The following NKTR variants were observed in gnomAD, a reference collection of about 807,000 sequenced individuals.
The protein encoded by NKTR is NK-tumor recognition protein.
A neutral mutation model predicts 156.3 loss-of-function variants in NKTR; 67 were observed. The ratio of observed to expected loss-of-function variants is 0.43; its 90% CI spans 0.35 to 0.53. The LOEUF is 0.53. Among genes scored for constraint, NKTR ranks in the 20% least tolerant of loss-of-function variants. NKTR has a pLI of 0.01. For synonymous variants in NKTR, 640 were observed against 596.6 expected, an observed-to-expected ratio of 1.07 and a Z score of -1.06; for missense variants, 1,604 against 1,730.9, an observed-to-expected ratio of 0.93 and a Z score of 1.30.
At chr3:42,642,724 A>G (rs1461141332) in intron 14 of NKTR, 128 bp downstream of exon 14, 54 of 680,824 alleles carry the variant, frequency 7.9e-5, no homozygotes, top group Non-Finnish European at 1.3e-4. Flanking sequence ...CTATTTTCTC[A>G]TGTAGTTTTT....
rs748546500 is a variant in NKTR at position 42,639,216 on chromosome 3, C to A, written c.3512C>A (p.Pro1171His). ...VLKQDMATEH[P>H]QAEVVKQESS... ...AAGCAGGATATGGCAACGGAACATCCTCAAGCAGAGGTAGTAAAACAGGAA... is the reference window on the plus strand; with the variant it reads ...AAGCAGGATATGGCAACGGAACATCATCAAGCAGAGGTAGTAAAACAGGAA... Residue 1171 changes from proline (P) to histidine (H), a missense_variant, in exon 13 of 17, where the codon CCT (proline) becomes CAT (histidine). Physicochemically the swap from Pro to His is moderately conservative, Grantham distance 77 (BLOSUM62 -2). Coordinates refer to ENST00000232978, the MANE Select transcript of NKTR (RefSeq NM_005385.4). The A allele has an allele frequency of 6.2e-7, 1 of 1,614,108 alleles. No individual in the cohort carries two copies. Among genetic ancestry groups the A allele is most frequent in the Non-Finnish European group, 8.5e-7 (1 of 1,180,016 alleles).
chr3:42,621,436 C>G lies in NKTR; in HGVS notation c.294C>G (p.Asn98Lys). 6.2e-7 allele frequency: 1 copy of G among 1,605,634 alleles called. No homozygotes were observed. Among genetic ancestry groups the G allele is most frequent in the Non-Finnish European group, 8.5e-7 (1 of 1,176,734 alleles). The change falls in exon 6 of 17, where the codon AAC becomes AAG. Residue 98 changes from asparagine (N) to lysine (K), a missense_variant. Transcript: ENST00000232978. ...TGTGTTTTCTTCAAACAGATGAAAA[C>G]TTTATTCTCAAACATGACAGAGCGT... ...SIYGGYFKDE[N>K]FILKHDRAFL... is the part of the protein sequence containing the mutation.
At chr3:42,618,640 A>G (rs1483726748) in intron 3 of NKTR, among the ~76,000 whole-genome samples, 1 of 151,692 alleles carries the variant, frequency 6.6e-6, no homozygotes, top group African/African-American at 2.4e-5. Flanking sequence ...TAGAGGCAGA[A>G]TTTCACCCTG....
intron 13 of NKTR, 29 bp from the exon 14 acceptor site, chr3:42,642,470 TTA>T (rs1709970621): frequency 6.7e-7 from 1 of 1,490,760 alleles, no homozygotes; most frequent in Non-Finnish European, 9.4e-7. Context: ...GTCAACATAA[TTA>T]TATATTTTTT....
chr3:42,633,490 T>G, intron 9 of NKTR, 90 bp from the exon 10 acceptor site: 2 of 1,514,932 alleles, frequency 1.3e-6, no homozygotes, highest in Non-Finnish European at 1.8e-6. Context: ...TATCGTTAAT[T>G]ATGCTGTTGT....
intron 16 of NKTR, among the ~76,000 whole-genome samples, chr3:42,645,397 A>C (rs1710262540): frequency 1.3e-5 from 2 of 152,242 alleles, no homozygotes; most frequent in African/African-American, 4.8e-5. Flanking sequence ...AAAAGTCCAT[A>C]GTGTGAGTCG....
At chr3:42,619,186 T>C in intron 4 of NKTR, 59 bp downstream of exon 4, 9 of 1,567,582 alleles carry the variant, frequency 5.7e-6, no homozygotes, top group Non-Finnish European at 7.8e-6. Flanking sequence ...AGTATTTCAT[T>C]ATTACTTTTA....
chr3:42,619,472 A>G, intron 4 of NKTR, 192 bp from the exon 5 acceptor site: 1 of 1,399,712 alleles, frequency 7.1e-7, no homozygotes, highest in Non-Finnish European at 9.2e-7. Flanking sequence ...GACTTTTTTG[A>G]TGGTATTTCT....
chr3:42,637,499 C>T lies in NKTR; in HGVS notation c.1795C>T (p.Pro599Ser), dbSNP rs1368312803. 1 of 1,613,994 alleles carries T rather than the reference C, an allele frequency of 6.2e-7. No homozygotes were observed. Among genetic ancestry groups the T allele is most frequent in the Middle Eastern group, 1.6e-4 (1 of 6,062 alleles). The change falls in exon 13 of 17, where the codon CCA becomes TCA. Residue 599 changes from proline (P) to serine (S), a missense_variant. Transcript: ENST00000232978. ...MAQNENVVVQ[P>S]VVAENIPVIP... The stretch of plus-strand genomic sequence containing the variant: ...ACAAAATGAAAATGTAGTAGTACAA[C>T]CAGTTGTAGCAGAAAATATTCCTGT...
At chr3:42,606,932 C>G (rs1162530554) in intron 2 of NKTR, among the ~76,000 whole-genome samples, 1 of 152,010 alleles carries the variant, frequency 6.6e-6, no homozygotes, top group Non-Finnish European at 1.5e-5. Context: ...TATTCACAGG[C>G]ATGATCATAG....
chr3:42,641,243 T>G (rs1709859071), intron 13 of NKTR, among the ~76,000 whole-genome samples: 1 of 152,242 alleles, frequency 6.6e-6, no homozygotes, highest in African/African-American at 2.4e-5. Context: ...AGGGTCTGGC[T>G]TTATTATTTT....
intron 2 of NKTR, among the ~76,000 whole-genome samples, chr3:42,612,863 C>G (rs1414918999): frequency 2.0e-5 from 3 of 152,052 alleles, no homozygotes; most frequent in Non-Finnish European, 4.4e-5. Flanking sequence ...GTCTCCAAAA[C>G]TAAATAGCTT....
chr3:42,604,773 C>G (rs376234962), intron 2 of NKTR, among the ~76,000 whole-genome samples: 11 of 141,010 alleles, frequency 7.8e-5, no homozygotes, highest in Admixed American at 2.3e-4. Context: ...ACCACACCCT[C>G]TGCCTTCCTG....
intron 13 of NKTR, among the ~76,000 whole-genome samples, chr3:42,641,645 C>T (rs1037409717): frequency 2.6e-5 from 4 of 151,984 alleles, no homozygotes; most frequent in Admixed American, 2.6e-4. Context: ...TTTGGGAGGC[C>T]GAGGTGGGCA....
At chr3:42,641,127 G>T (rs1304670494) in intron 13 of NKTR, among the ~76,000 whole-genome samples, 2 of 152,160 alleles carry the variant, frequency 1.3e-5, no homozygotes, top group Non-Finnish European at 2.9e-5. Context: ...CCTGGGTGCT[G>T]CCCTGCCTCC....
intron 5 of NKTR, chr3:42,620,311 G>C (rs766613741): frequency 8.4e-7 from 1 of 1,186,842 alleles, no homozygotes; most frequent in Non-Finnish European, 1.0e-6. Flanking sequence ...TTGAAATTTC[G>C]TTTTTCAAAG....
Position 42,621,645 on chromosome 3 carries a change from TATC to T in NKTR, c.374+132_374+134del, listed in dbSNP as rs1319060655. ...CTTTATTTTTATTATTAATTTCTAA[TATC>T]ATAGTAACTTATAAGGTCTAACAAC... is the stretch of plus-strand genomic sequence containing the variant. On this transcript the variant is annotated intron_variant, in intron 6 of 16. Coordinates refer to ENST00000232978, the MANE Select transcript of NKTR (RefSeq NM_005385.4). 4 of 947,632 alleles carry T rather than the reference TATC, an allele frequency of 4.2e-6. No homozygotes were observed. In the African/African-American group the frequency reaches 6.9e-5, roughly 16 times the overall value. The allele number at this position is 947,632 out of a possible 1,614,324, so 58.7% of individuals were successfully genotyped here. A position where few individuals can be genotyped will look rare whatever the true frequency, so the allele number is the denominator to read the frequency against.
chr3:42,620,172 G>A (rs1577479323), intron 5 of NKTR: 1 of 1,340,526 alleles, frequency 7.5e-7, no homozygotes, highest in South Asian at 2.2e-5. Context: ...GGAAAATTCT[G>A]TGTATTATTT....
chr3:42,621,255 T>C, intron 5 of NKTR, 174 bp from the exon 6 acceptor site: 1 of 1,301,646 alleles, frequency 7.7e-7, no homozygotes, highest in Non-Finnish European at 9.7e-7. Flanking sequence ...TCTTTTGGCC[T>C]TTTTATGCTT....
Sources: allele counts gnomAD v4.1 joint callset (sites outside exome capture counted in the v4.1 genomes callset), GRCh38; gene constraint gnomAD v4.1.1; transcripts MANE v1.5; gene names NCBI Gene and HGNC (gene_info 2026-07-23, HGNC 2026-07-21).